GLIS3: variants seen among roughly 807,000 people sequenced by gnomAD.
GLIS3 encodes GLIS family zinc finger 3.
A neutral mutation model predicts 78.6 loss-of-function variants in GLIS3; 53 were observed. The observed-to-expected ratio is 0.67, with a 90% CI of 0.54 to 0.85. The LOEUF (loss-of-function observed/expected upper bound fraction) is 0.85. Among genes scored for constraint, GLIS3 ranks in the 40% least tolerant of loss-of-function variants. The pLI is 0.00. For missense variants in GLIS3, 1,703 were observed against 1,231.1 expected (o/e 1.38, Z -5.74); for synonymous variants, 684 against 509.9 (o/e 1.34, Z -4.60).
At chr9:4,153,803 T>A (rs1361433874) in intron 2 of GLIS3, among the ~76,000 whole-genome samples, 2 of 152,256 alleles carry the variant, frequency 1.3e-5, no homozygotes, top group Non-Finnish European at 2.9e-5. Flanking sequence ...TCTGATTATC[T>A]ACTGCTACAT....
At chr9:4,184,287 T>C (rs1255665346) in intron 2 of GLIS3, among the ~76,000 whole-genome samples, 2 of 152,190 alleles carry the variant, frequency 1.3e-5, no homozygotes, top group Admixed American at 1.3e-4. Flanking sequence ...TGTCTTTGCA[T>C]GAAGATATGT....
intron 4 of GLIS3, among the ~76,000 whole-genome samples, chr9:4,011,776 T>G (rs183411898): frequency 2.0e-5 from 3 of 152,332 alleles, no homozygotes; most frequent in Admixed American, 6.5e-5. Flanking sequence ...TCATTTTCAT[T>G]TGATTCTACC....
intron 2 of GLIS3, among the ~76,000 whole-genome samples, chr9:4,241,832 A>C (rs1823348597): frequency 6.6e-6 from 1 of 151,992 alleles, no homozygotes; most frequent in South Asian, 2.1e-4. Flanking sequence ...ACAGGCACGT[A>C]CCACCATGCC....
At chr9:4,415,554 G>A in the GLIS3 span, among the ~76,000 whole-genome samples, 1 of 152,076 alleles carries the variant, frequency 6.6e-6, no homozygotes, top group Non-Finnish European at 1.5e-5. Context: ...CTTGTTCTCG[G>A]CCACTTCTCC....
rs578054438 is a variant in GLIS3, at chr9:4,112,569, G to A, written c.1710+5199C>T. 7.2e-5 allele frequency among the ~76,000 whole-genome samples: 11 copies of A among 152,240 alleles called. No homozygotes were observed. In the South Asian group the frequency reaches 1.0e-3, roughly 14 times the overall value. The stretch of plus-strand genomic sequence containing the variant: ...AATTTTGAAGATGGGACCCAGGTAC[G>A]GGTACTTCGGATGATTCCAGTGTCA... On this transcript the variant is annotated intron_variant, in intron 4 of 10. Transcript: ENST00000381971.
chr9:3,880,904 T>C (rs1821686226), intron 7 of GLIS3, among the ~76,000 whole-genome samples: 1 of 152,242 alleles, frequency 6.6e-6, no homozygotes, highest in Non-Finnish European at 1.5e-5. Context: ...AGGTTAACTC[T>C]TGTCCTCAGA....
intron 6 of GLIS3, among the ~76,000 whole-genome samples, chr9:3,926,917 G>A (rs1175096591): frequency 6.6e-6 from 1 of 152,164 alleles, no homozygotes; most frequent in East Asian, 1.9e-4. Context: ...GAGCCATTGG[G>A]CCTGGCCTCA....
intron 2 of GLIS3, among the ~76,000 whole-genome samples, chr9:4,232,407 GA>G (rs200860901): frequency 0.036 from 4,989 of 137,030 alleles, 119 homozygotes; most frequent in African/African-American, 0.043. Flanking sequence ...AAAAAGAAAA[GA>G]AAAAAAAAGA....
rs767469455 is a variant in GLIS3, at chr9:3,828,244, G to T, written c.*28C>A. 1 of 1,613,712 alleles carries T rather than the reference G, an allele frequency of 6.2e-7. No individual in the cohort carries two copies. Among genetic ancestry groups the T allele is most frequent in the Non-Finnish European group, 8.5e-7 (1 of 1,179,864 alleles). On this transcript the variant is annotated 3_prime_UTR_variant, in exon 11 of 11. Transcript: ENST00000381971. ...AGGTGGCAAGCAACATCAAGGTCCT[G>T]GGTGTGCAGGAGTGGCCAAGAGAGC...
chr9:3,995,187 G>A (rs947965168), intron 4 of GLIS3, among the ~76,000 whole-genome samples: 3 of 151,952 alleles, frequency 2.0e-5, no homozygotes, highest in Admixed American at 1.3e-4. Flanking sequence ...GGTGGGGAAG[G>A]GAAAAATGAG....
rs34563848 is a variant in GLIS3, at chr9:4,107,752, T to TAAAAA, written c.1710+10011_1710+10015dup. On this transcript the variant is annotated intron_variant, in intron 4 of 10. Transcript: ENST00000381971. ...TCAGATCAGAAGAACACAGGTTACC[T>TAAAAA]AAAAAAAAAAAAACATGGCTGGCAT... 3.4e-4 allele frequency among the ~76,000 whole-genome samples: 49 copies of TAAAAA among 142,696 alleles called. No individual in the cohort carries two copies. In the East Asian group the frequency reaches 6.3e-3, roughly 18 times the overall value. 93.6% of individuals were successfully genotyped at this position (142,696 alleles called of 152,430 possible).
the GLIS3 span, among the ~76,000 whole-genome samples, chr9:4,404,153 G>A: frequency 2.0e-5 from 3 of 152,108 alleles, no homozygotes; most frequent in Admixed American, 1.3e-4. Flanking sequence ...TGACAAAGGG[G>A]ACAATTCAGC....
chr9:4,220,536 A>G (rs1285685075), intron 2 of GLIS3, among the ~76,000 whole-genome samples: 1 of 152,174 alleles, frequency 6.6e-6, no homozygotes, highest in East Asian at 1.9e-4. Flanking sequence ...ATTTCTGCCC[A>G]AAGTATATAG....
chr9:4,070,142 C>T (rs1276936063), intron 4 of GLIS3, among the ~76,000 whole-genome samples: 1 of 152,190 alleles, frequency 6.6e-6, no homozygotes, highest in Non-Finnish European at 1.5e-5. Context: ...TTCTCACTAC[C>T]TCTGCTTAAG....
chr9:4,365,859 A>T, the GLIS3 span, among the ~76,000 whole-genome samples: 1 of 152,234 alleles, frequency 6.6e-6, no homozygotes, highest in Non-Finnish European at 1.5e-5. Context: ...CTTTTAAAAC[A>T]CAACACCCCT....
At chr9:4,339,442 C>T (rs1320833046) in intron 2 of GLIS3, among the ~76,000 whole-genome samples, 2 of 152,030 alleles carry the variant, frequency 1.3e-5, no homozygotes, top group African/African-American at 4.8e-5. Context: ...TAAAGAATGA[C>T]ATTTATATAG....
intron 4 of GLIS3, among the ~76,000 whole-genome samples, chr9:4,060,585 T>A (rs1306768290): frequency 6.6e-6 from 1 of 152,142 alleles, no homozygotes; most frequent in Non-Finnish European, 1.5e-5. Flanking sequence ...TGTGGCTTTA[T>A]GAGAAGAGAA....
At chr9:4,451,277 T>A in the GLIS3 span, among the ~76,000 whole-genome samples, 1 of 152,112 alleles carries the variant, frequency 6.6e-6, no homozygotes, top group Non-Finnish European at 1.5e-5. Flanking sequence ...GGTAAAGGGA[T>A]CAATTCAATA....
rs71324297 is a variant in GLIS3 at position 4,296,903 on chromosome 9, C to CA, written c.-99+2517dup. Among the ~76,000 whole-genome samples the CA allele has an allele frequency of 3.9e-3, 442 of 114,138 alleles. 5 individuals carry two copies. The highest frequency in any genetic ancestry group is 0.014 in the African/African-American group (414 of 30,236). The allele number at this position is 114,138 out of a possible 152,430, so 74.9% of individuals were successfully genotyped here. A position where few individuals can be genotyped will look rare whatever the true frequency, so the allele number is the denominator to read the frequency against. ...TTACACCTCAGCTTGTTCTCAATTGCAAAAAAAAAAAAAAAAAAAAAAAAT... is the reference window on the plus strand; with the variant it reads ...TTACACCTCAGCTTGTTCTCAATTGCAAAAAAAAAAAAAAAAAAAAAAAAAT... On this transcript the variant is annotated intron_variant, in intron 1 of 10. Coordinates refer to ENST00000381971, the MANE Select transcript of GLIS3 (RefSeq NM_001042413.2).
Sources: allele counts gnomAD v4.1 joint callset (sites outside exome capture counted in the v4.1 genomes callset), GRCh38; gene constraint gnomAD v4.1.1; transcripts MANE v1.5; gene names NCBI Gene and HGNC (gene_info 2026-07-23, HGNC 2026-07-21).